CENPP: variants seen among roughly 807,000 people sequenced by gnomAD.
The protein encoded by CENPP is centromere protein P.
CENPP carries 24 observed loss-of-function variants against 35.6 expected under a neutral mutation model. That is an observed-to-expected ratio of 0.67 (90% confidence interval 0.49 to 0.95). CENPP has a LOEUF of 0.95. Ranked by LOEUF, CENPP falls within the 40% of genes least tolerant of loss-of-function variation. The probability of loss-of-function intolerance (pLI) is 0.00; values close to 1 mark genes in which losing one functional copy is unlikely to be tolerated. For missense variants in CENPP, 332 were observed against 345.3 expected, an observed-to-expected ratio of 0.96 and a Z score of 0.31; for synonymous variants, 120 against 125.5, an observed-to-expected ratio of 0.96 and a Z score of 0.29.
In CENPP at chr9:92,615,896, T is replaced by C. The variant is rs752328718; in HGVS notation, c.*2747T>C. ...CTTGAACCGAGTCGACATCACGGCGTTGTCTTTGGCACGTACAGTCTTTGA... is the reference window on the plus strand; with the variant it reads ...CTTGAACCGAGTCGACATCACGGCGCTGTCTTTGGCACGTACAGTCTTTGA... On this transcript the variant is annotated 3_prime_UTR_variant, in exon 8 of 8. Transcript: ENST00000375587. The C allele has an allele frequency of 6.2e-7, 1 of 1,614,210 alleles. No homozygotes were observed. The highest frequency in any genetic ancestry group is 1.7e-5 in the Admixed American group (1 of 60,026).
chr9:92,533,308 A>C (rs1848929750), intron 5 of CENPP, among the ~76,000 whole-genome samples: 4 of 67,328 alleles, frequency 5.9e-5, no homozygotes, highest in East Asian at 1.3e-3. Context: ...TCAAACAAAA[A>C]AAAAAAAAAA....
intron 5 of CENPP, among the ~76,000 whole-genome samples, chr9:92,444,860 G>A (rs1375792576): frequency 2.0e-5 from 3 of 152,110 alleles, no homozygotes; most frequent in Admixed American, 6.5e-5. Flanking sequence ...TACAGGAGCT[G>A]ACATGGGCCC....
intron 5 of CENPP, among the ~76,000 whole-genome samples, chr9:92,583,674 A>G (rs1241822199): frequency 4.0e-5 from 6 of 151,898 alleles, no homozygotes; most frequent in Admixed American, 2.6e-4. Flanking sequence ...ACCATTAGCT[A>G]TACTTAGGCA....
chr9:92,385,623 A>C (rs774104675), intron 5 of CENPP: 126 of 1,613,830 alleles, frequency 7.8e-5, no homozygotes, highest in Non-Finnish European at 1.0e-4. Flanking sequence ...ATAGAGGTTA[A>C]AAGTATGACC....
At position 92,435,717 on chromosome 9, in the gene CENPP, A is replaced by G. The variant is rs530246272; in HGVS notation, c.564+55858A>G. Among the ~76,000 whole-genome samples the G allele has an allele frequency of 2.0e-5, 3 of 152,358 alleles. No individual in the cohort carries two copies. The South Asian group carries it at 6.2e-4, about 32-fold the overall frequency. ...ACTAAACATAATTATCTGGGGATTC[A>G]TTTGAGGTGCTGCATGTATCACTGG... is the stretch of plus-strand genomic sequence containing the variant. On this transcript the variant is annotated intron_variant, in intron 5 of 7. Coordinates refer to ENST00000375587, the MANE Select transcript of CENPP (RefSeq NM_001012267.3).
At chr9:92,415,474 A>C in intron 5 of CENPP, 1 of 1,556,526 alleles carries the variant, frequency 6.4e-7, no homozygotes, top group Non-Finnish European at 8.7e-7. Context: ...TGTAAGATTC[A>C]TCTCTGAAAG....
intron 5 of CENPP, among the ~76,000 whole-genome samples, chr9:92,468,957 T>C (rs765273260): frequency 6.6e-6 from 1 of 152,200 alleles, no homozygotes; most frequent in Non-Finnish European, 1.5e-5. Context: ...AATAATGATA[T>C]GATGAATTTA....
At chr9:92,510,230 G>A (rs1455452332) in intron 5 of CENPP, among the ~76,000 whole-genome samples, 1 of 152,078 alleles carries the variant, frequency 6.6e-6, no homozygotes, top group African/African-American at 2.4e-5. Context: ...TGATTCTCAG[G>A]GATTTTCAGC....
At chr9:92,326,918 A>G (rs946324503) in intron 1 of CENPP, among the ~76,000 whole-genome samples, 2 of 152,256 alleles carry the variant, frequency 1.3e-5, no homozygotes, top group African/African-American at 4.8e-5. Flanking sequence ...GAATTGGTAG[A>G]AAATGGGAAG....
chr9:92,542,775 G>A (rs536798414), intron 5 of CENPP, among the ~76,000 whole-genome samples: 1 of 152,270 alleles, frequency 6.6e-6, no homozygotes, highest in Non-Finnish European at 1.5e-5. Flanking sequence ...GCCTCCCAAA[G>A]CGCTGGGATT....
intron 5 of CENPP, among the ~76,000 whole-genome samples, chr9:92,555,638 A>G (rs1011696941): frequency 6.6e-5 from 10 of 152,040 alleles, no homozygotes; most frequent in Admixed American, 3.3e-4. Flanking sequence ...TTTTCCAGGA[A>G]CTTATTCATC....
At chr9:92,608,207 G>A (rs1014701908) in intron 5 of CENPP, among the ~76,000 whole-genome samples, 2 of 152,194 alleles carry the variant, frequency 1.3e-5, no homozygotes, top group Admixed American at 6.5e-5. Context: ...AGGTGCACTA[G>A]GGAGAGCCAC....
At chr9:92,538,850 G>A (rs72754446) in intron 5 of CENPP, among the ~76,000 whole-genome samples, 6,061 of 152,270 alleles carry the variant, frequency 0.04, 185 homozygotes, top group South Asian at 0.099. Context: ...TGCCTATGAA[G>A]ATTTAGACTC....
chr9:92,385,500 A>T (rs1180604319), intron 5 of CENPP: 9 of 854,420 alleles, frequency 1.1e-5, no homozygotes, highest in African/African-American at 3.4e-5. Flanking sequence ...TTAAAATATT[A>T]AATTCCTTCA....
At chr9:92,470,988 T>TAAA (rs1249018874) in intron 5 of CENPP, among the ~76,000 whole-genome samples, 2 of 152,180 alleles carry the variant, frequency 1.3e-5, no homozygotes, top group Admixed American at 1.3e-4. Flanking sequence ...ACAAGGTGTC[T>TAAA]AGATTGGTAT....
intron 5 of CENPP, among the ~76,000 whole-genome samples, chr9:92,601,100 G>A (rs1026474963): frequency 1.3e-5 from 2 of 152,202 alleles, no homozygotes; most frequent in Admixed American, 6.5e-5. Context: ...GTCCAGGAAA[G>A]TTAGGCTAAT....
intron 5 of CENPP, among the ~76,000 whole-genome samples, chr9:92,407,016 G>A (rs1480296104): frequency 6.6e-6 from 1 of 152,084 alleles, no homozygotes; most frequent in Non-Finnish European, 1.5e-5. Context: ...ATAGAAAAAG[G>A]ATACACCCTA....
chr9:92,561,934 G>T (rs752709037), intron 5 of CENPP, among the ~76,000 whole-genome samples: 14 of 152,138 alleles, frequency 9.2e-5, no homozygotes, highest in Non-Finnish European at 1.6e-4. Context: ...TTACAGAGGA[G>T]GAAAACTGAA....
chr9:92,564,023 A>G (rs574315992), intron 5 of CENPP, among the ~76,000 whole-genome samples: 1 of 152,300 alleles, frequency 6.6e-6, no homozygotes, highest in African/African-American at 2.4e-5. Flanking sequence ...TGCATTTTGG[A>G]AAAATCACTG....
Sources: gnomAD v4.1 joint callset for allele counts (sites outside exome capture counted in the v4.1 genomes callset) on GRCh38, gnomAD v4.1.1 for gene constraint, MANE v1.5 for transcripts, NCBI Gene and HGNC (gene_info 2026-07-23, HGNC 2026-07-21) for gene names.